MECOM: variants seen among roughly 807,000 people sequenced by gnomAD.
MECOM encodes histone-lysine N-methyltransferase MECOM.
Under a neutral mutation model 116.3 loss-of-function variants are expected in MECOM, and 13 were observed. The ratio of observed to expected loss-of-function variants is 0.11; its 90% CI spans 0.07 to 0.18. The LOEUF (loss-of-function observed/expected upper bound fraction) is 0.18. Among genes scored for constraint, MECOM ranks in the 10% least tolerant of loss-of-function variants. The pLI, the probability that MECOM is intolerant of heterozygous loss-of-function variation, is 1.00. For missense variants in MECOM, 1,299 were observed against 1,509.0 expected (o/e 0.86, Z 2.31); for synonymous variants, 528 against 535.2 (o/e 0.99, Z 0.19).
At chr3:169,433,641 G>GAAAGAAAGAA (rs1260140724) in intron 1 of MECOM, among the ~76,000 whole-genome samples, 8 of 90,068 alleles carry the variant, frequency 8.9e-5, no homozygotes, top group Admixed American at 3.1e-4. Flanking sequence ...AAGAGAAAGA[G>GAAAGAAAGAA]AAAGAAAGAA....
chr3:169,446,635 T>C (rs1435824210), intron 1 of MECOM, among the ~76,000 whole-genome samples: 3 of 152,204 alleles, frequency 2.0e-5, no homozygotes. Context: ...AAGTGGGTAG[T>C]AGTTATGTGT....
At chr3:169,132,541 GT>G in intron 3 of MECOM, among the ~76,000 whole-genome samples, 1 of 152,146 alleles carries the variant, frequency 6.6e-6, no homozygotes. Context: ...TCAGATAGAG[GT>G]TTTAGAAGAA....
chr3:169,553,896 C>A (rs1761704676), intron 1 of MECOM, among the ~76,000 whole-genome samples: 2 of 151,956 alleles, frequency 1.3e-5, no homozygotes, highest in Admixed American at 1.3e-4. Flanking sequence ...GCTTAATTCC[C>A]TCTTTAAAGG....
In MECOM at chr3:169,650,001, A is replaced by T. The variant is rs188038197; in HGVS notation, c.37+13335T>A. On this transcript the variant is annotated intron_variant, in intron 1 of 16. Transcript: ENST00000651503. ...CTGTGTAAAGGAATGGGCTGAACTA[A>T]TTTTTTCTGAATTTTTTATATTTAA... 1.5e-3 allele frequency among the ~76,000 whole-genome samples: 230 copies of T among 152,306 alleles called. 1 individual carries two copies. Among genetic ancestry groups the T allele is most frequent in the African/African-American group, 5.4e-3 (225 of 41,578 alleles).
intron 1 of MECOM, among the ~76,000 whole-genome samples, chr3:169,396,156 A>G (rs775388977): frequency 6.6e-6 from 1 of 152,334 alleles, no homozygotes. Context: ...TTCCTGTTCT[A>G]TAGTATGAAT....
chr3:169,345,923 T>C (rs563968401), intron 2 of MECOM, among the ~76,000 whole-genome samples: 1 of 152,244 alleles, frequency 6.6e-6, no homozygotes, highest in East Asian at 1.9e-4. Context: ...AAGCCAATTA[T>C]CGAAAAGTTC....
intron 1 of MECOM, among the ~76,000 whole-genome samples, chr3:169,545,296 A>T (rs569435377): frequency 1.3e-5 from 2 of 152,314 alleles, no homozygotes; most frequent in East Asian, 3.9e-4. Context: ...GGCTCTGTCT[A>T]CATACACAAA....
At chr3:169,171,274 T>C (rs1490050305) in intron 2 of MECOM, among the ~76,000 whole-genome samples, 1 of 152,146 alleles carries the variant, frequency 6.6e-6, no homozygotes, top group East Asian at 1.9e-4. Context: ...TGAATTGAAT[T>C]GCTTTGGTTC....
chr3:169,639,659 A>G (rs1487864268), intron 1 of MECOM, among the ~76,000 whole-genome samples: 1 of 152,226 alleles, frequency 6.6e-6, no homozygotes, highest in East Asian at 1.9e-4. Flanking sequence ...ACTTCATTAT[A>G]CATGAAACTC....
chr3:169,625,753 A>C (rs991732397), intron 1 of MECOM, among the ~76,000 whole-genome samples: 2 of 152,224 alleles, frequency 1.3e-5, no homozygotes, highest in African/African-American at 2.4e-5. Context: ...CAGGTGATCT[A>C]TCATTAGGCC....
intron 1 of MECOM, among the ~76,000 whole-genome samples, chr3:169,554,438 A>G (rs1253279214): frequency 2.0e-5 from 3 of 152,208 alleles, no homozygotes; most frequent in African/African-American, 7.2e-5. Flanking sequence ...CAATTTTTAA[A>G]AAAGATTTCC....
chr3:169,212,801 T>C (rs1295291547), intron 2 of MECOM, among the ~76,000 whole-genome samples: 1 of 150,958 alleles, frequency 6.6e-6, no homozygotes, highest in Non-Finnish European at 1.5e-5. Flanking sequence ...CCTTATGTTA[T>C]CCAAATATGC....
At chr3:169,647,521 T>C (rs1774336365) in intron 1 of MECOM, among the ~76,000 whole-genome samples, 1 of 152,106 alleles carries the variant, frequency 6.6e-6, no homozygotes, top group Admixed American at 6.6e-5. Flanking sequence ...ACTAGAGTAA[T>C]GCCCTCATGG....
At chr3:169,472,671 AGG>A (rs1391530613) in intron 1 of MECOM, among the ~76,000 whole-genome samples, 23 of 76,616 alleles carry the variant, frequency 3.0e-4, no homozygotes, top group Non-Finnish European at 4.4e-4. Context: ...AGGAAAGGAA[AGG>A]AGAGGAGAGG....
intron 2 of MECOM, among the ~76,000 whole-genome samples, chr3:169,181,871 A>T (rs1746013687): frequency 6.6e-6 from 1 of 152,216 alleles, no homozygotes; most frequent in East Asian, 1.9e-4. Flanking sequence ...TAATTAAGCT[A>T]TTTAAGCCTC....
chr3:169,379,790 T>C (rs1732095855), intron 2 of MECOM, among the ~76,000 whole-genome samples: 1 of 152,168 alleles, frequency 6.6e-6, no homozygotes, highest in South Asian at 2.1e-4. Flanking sequence ...TTAGAATGTT[T>C]ATAGCCATTA....
chr3:169,580,841 G>GTTTT (rs1166459683), intron 1 of MECOM, among the ~76,000 whole-genome samples: 1 of 152,088 alleles, frequency 6.6e-6, no homozygotes, highest in East Asian at 1.9e-4. Context: ...GTTTTGTTTT[G>GTTTT]TTTTGTTTTT....
rs1309198077 is a variant in MECOM at position 169,451,168 on chromosome 3, T to C, written c.38-69644A>G. ...GCTCTGAAGTTGTTCTATGCATGTG[T>C]GTGTGAGATTTTCATGCCCTATGTA... On this transcript the variant is annotated intron_variant, in intron 1 of 16. Transcript: ENST00000651503. 2.6e-5 allele frequency among the ~76,000 whole-genome samples: 4 copies of C among 152,200 alleles called. 1 individual carries two copies. The highest frequency in any genetic ancestry group is 2.6e-4 in the Admixed American group (4 of 15,272).
At chr3:169,120,195 G>T (rs916100697) in intron 7 of MECOM, among the ~76,000 whole-genome samples, 1 of 152,102 alleles carries the variant, frequency 6.6e-6, no homozygotes, top group African/African-American at 2.4e-5. Flanking sequence ...TATATGCCCC[G>T]CCAAGCAATG....
Sources: allele counts gnomAD v4.1 joint callset (sites outside exome capture counted in the v4.1 genomes callset), GRCh38; gene constraint gnomAD v4.1.1; transcripts MANE v1.5; gene names NCBI Gene and HGNC (gene_info 2026-07-23, HGNC 2026-07-21).